Variants in MOGAT2 observed in about 807,000 individuals in gnomAD.
MOGAT2 encodes 2-acylglycerol O-acyltransferase 2.
A neutral mutation model predicts 31.5 loss-of-function variants in MOGAT2; 27 were observed. The ratio of observed to expected loss-of-function variants is 0.86; its 90% CI spans 0.63 to 1.18. The LOEUF (loss-of-function observed/expected upper bound fraction) is 1.18, where lower values mean the gene tolerates loss of function less well. MOGAT2 is among the 50% of genes most tolerant of loss of function. MOGAT2 has a pLI of 0.00. For missense variants in MOGAT2, 436 were observed against 433.2 expected (o/e 1.01, Z -0.06); for synonymous variants, 163 against 170.0 (o/e 0.96, Z 0.32).
At chr11:75,727,308 TG>T in intron 2 of MOGAT2, 126 bp from the exon 3 acceptor site, 1 of 722,444 alleles carries the variant, frequency 1.4e-6, no homozygotes, top group Non-Finnish European at 2.3e-6. Flanking sequence ...GAACCCAGGG[TG>T]GTCAGACATA....
chr11:75,725,519 G>A (rs1392311386), intron 2 of MOGAT2, among the ~76,000 whole-genome samples: 5 of 151,400 alleles, frequency 3.3e-5, no homozygotes, highest in African/African-American at 9.8e-5. Flanking sequence ...CTGCACTCCA[G>A]CCTGGGCAAC....
intron 2 of MOGAT2, among the ~76,000 whole-genome samples, chr11:75,722,857 G>C (rs1306094239): frequency 6.6e-6 from 1 of 152,248 alleles, no homozygotes; most frequent in Non-Finnish European, 1.5e-5. Context: ...CAGCCAGGTG[G>C]CTTTTGAGGA....
At chr11:75,722,549 C>T (rs1288891987) in intron 2 of MOGAT2, among the ~76,000 whole-genome samples, 2 of 152,176 alleles carry the variant, frequency 1.3e-5, no homozygotes, top group Non-Finnish European at 1.5e-5. Context: ...AGACACTTGC[C>T]GCAGGGTGAG....
At chr11:75,727,934 T>A in intron 3 of MOGAT2, 36 bp from the exon 4 acceptor site, 1 of 1,554,478 alleles carries the variant, frequency 6.4e-7, no homozygotes, top group Non-Finnish European at 8.7e-7. Context: ...CCCTGCTCCC[T>A]CACCCCATAC....
Position 75,731,242 on chromosome 11 carries a change from C to T in MOGAT2, c.961C>T (p.Leu321Phe), listed in dbSNP as rs1382963945. Residue 321 changes from leucine to phenylalanine, a missense_variant, in exon 6 of 6, where the codon CTT becomes TTT. Physicochemically the swap from Leu to Phe is conservative, Grantham distance 22. Coordinates refer to ENST00000198801, the MANE Select transcript of MOGAT2 (RefSeq NM_025098.4). ...GTGCAACCTCTTCGAGGCCCACAAA[C>T]TTAAGTTCAACATCCCTGCTGACCA... ...ELCNLFEAHK[L>F]KFNIPADQHL... is the part of the protein sequence containing the mutation. The T allele has an allele frequency of 2.5e-6, 4 of 1,614,086 alleles. No individual in the cohort carries two copies. Among genetic ancestry groups the T allele is most frequent in the Non-Finnish European group, 3.4e-6 (4 of 1,180,054 alleles).
intron 5 of MOGAT2, 89 bp downstream of exon 5, chr11:75,729,078 A>T: frequency 8.0e-7 from 1 of 1,255,186 alleles, no homozygotes; most frequent in Non-Finnish European, 1.2e-6. Context: ...AGCCAGATTT[A>T]TTCCTGCCCT....
intron 2 of MOGAT2, among the ~76,000 whole-genome samples, chr11:75,721,196 G>C (rs1461261365): frequency 1.3e-5 from 2 of 152,140 alleles, no homozygotes; most frequent in African/African-American, 2.4e-5. Flanking sequence ...CTGAGCCTCA[G>C]TTTCCTCATA....
At chr11:75,719,194 C>T (rs1346259537) in intron 1 of MOGAT2, among the ~76,000 whole-genome samples, 1 of 152,214 alleles carries the variant, frequency 6.6e-6, no homozygotes, top group Non-Finnish European at 1.5e-5. Flanking sequence ...GATTTGCCTC[C>T]AGTAAGGGCT....
intron 2 of MOGAT2, among the ~76,000 whole-genome samples, chr11:75,721,864 T>C (rs1489461873): frequency 6.6e-6 from 1 of 151,882 alleles, no homozygotes; most frequent in Admixed American, 6.6e-5. Context: ...GAACGCAGGG[T>C]GGTTGGGGTT....
intron 2 of MOGAT2, among the ~76,000 whole-genome samples, chr11:75,721,030 C>T (rs570871599): frequency 3.3e-4 from 50 of 152,036 alleles, no homozygotes; most frequent in Admixed American, 4.6e-4. Context: ...GCAGTGGGGA[C>T]GCAGAGAAGG....
chr11:75,720,316 A>G lies in MOGAT2; in HGVS notation c.270+146A>G, dbSNP rs893497740. On this transcript the variant is annotated intron_variant, in intron 2 of 5. Coordinates refer to ENST00000198801, the MANE Select transcript of MOGAT2 (RefSeq NM_025098.4). ...GGAGGCAGGAGCTAGGGCTTCCGCTACTATGTGACCTAGAGAAGAGTCCAG... is the reference window on the plus strand; with the variant it reads ...GGAGGCAGGAGCTAGGGCTTCCGCTGCTATGTGACCTAGAGAAGAGTCCAG... The G allele has an allele frequency of 6.0e-6, 5 of 834,870 alleles. No homozygotes were observed. The African/African-American group carries it at 6.8e-5, about 11-fold the overall frequency. The allele number at this position is 834,870 out of a possible 1,614,324, so 51.7% of individuals were successfully genotyped here.
At chr11:75,730,931 AAAAG>A (rs1555054062) in intron 5 of MOGAT2, 197 bp from the exon 6 acceptor site, 13 of 388,400 alleles carry the variant, frequency 3.3e-5, no homozygotes, top group East Asian at 3.0e-4. Context: ...AAAAAAAAAG[AAAAG>A]AAAAGAAAAG....
chr11:75,726,680 A>T (rs1279015915), intron 2 of MOGAT2, among the ~76,000 whole-genome samples: 1 of 150,152 alleles, frequency 6.7e-6, no homozygotes, highest in Non-Finnish European at 1.5e-5. Flanking sequence ...TGTCTCATGG[A>T]TATGGAGGAA....
intron 5 of MOGAT2, 50 bp downstream of exon 5, chr11:75,729,039 G>A: frequency 1.9e-6 from 3 of 1,573,492 alleles, no homozygotes; most frequent in Non-Finnish European, 2.6e-6. Flanking sequence ...GACAGGGCAG[G>A]TTGTGTGCTG....
intron 2 of MOGAT2, among the ~76,000 whole-genome samples, chr11:75,722,449 G>C (rs1944383917): frequency 6.6e-6 from 1 of 152,190 alleles, no homozygotes. Context: ...TCTGGCTCTG[G>C]TCTCACTTCC....
Position 75,731,134 on chromosome 11 carries a change from G to A in MOGAT2, c.853G>A (p.Gly285Arg), listed in dbSNP as rs146991159. The change falls in exon 6 of 6, where the codon GGG becomes AGG. Residue 285 changes from glycine (G) to arginine (R), a missense_variant and splice_region_variant. Coordinates refer to ENST00000198801, the MANE Select transcript of MOGAT2 (RefSeq NM_025098.4). The part of the protein sequence containing the change: ...PYRRPITTVV[G>R]KPIEVQKTLH... ...CTGCACACCTCTATGCCTTGCAGTG[G>A]GGAAGCCCATCGAGGTACAGAAGAC... 6.2e-7 allele frequency: 1 copy of A among 1,613,514 alleles called. No individual in the cohort carries two copies. The highest frequency in any genetic ancestry group is 1.3e-5 in the African/African-American group (1 of 74,834).
chr11:75,720,177 A>G lies in MOGAT2; in HGVS notation c.270+7A>G. 1.2e-6 allele frequency: 2 copies of G among 1,608,474 alleles called. No individual in the cohort carries two copies. The highest frequency in any genetic ancestry group is 2.2e-5 in the East Asian group (1 of 44,790). Reference sequence around the variant, plus strand: ...GGACTATTTCCCCATCTCGGTGAGTATTGAGGCTGGTTGGGGTTGGGGAGG... The same window carrying G: ...GGACTATTTCCCCATCTCGGTGAGTGTTGAGGCTGGTTGGGGTTGGGGAGG... On this transcript the variant is annotated splice_region_variant and intron_variant, in intron 2 of 5. Transcript: ENST00000198801.
chr11:75,728,341 A>T (rs757237550), intron 4 of MOGAT2, 197 bp downstream of exon 4: 2 of 711,766 alleles, frequency 2.8e-6, no homozygotes, highest in South Asian at 3.0e-5. Flanking sequence ...CAGTGATCTA[A>T]GAAACTAGGT....
intron 5 of MOGAT2, chr11:75,730,868 TTGC>T: frequency 8.1e-6 from 2 of 247,182 alleles, no homozygotes; most frequent in Non-Finnish European, 1.5e-5. Flanking sequence ...TGAGCTGAGA[TTGC>T]GCCACTGCAC....
Sources: allele counts gnomAD v4.1 joint callset (sites outside exome capture counted in the v4.1 genomes callset), GRCh38; gene constraint gnomAD v4.1.1; transcripts MANE v1.5; gene names NCBI Gene and HGNC (gene_info 2026-07-23, HGNC 2026-07-21).